Variants in ACTR3B observed in about 807,000 individuals in gnomAD.
The protein encoded by ACTR3B is actin related protein 3B, also known as actin-related protein 3B.
In ACTR3B, 8 loss-of-function variants were observed where a neutral mutation model predicts 59.0. The ratio of observed to expected loss-of-function variants is 0.14; its 90% CI spans 0.08 to 0.24. The LOEUF is 0.24. Among genes scored for constraint, ACTR3B ranks in the 10% least tolerant of loss-of-function variants. The pLI is 1.00. For missense variants in ACTR3B, 245 were observed against 552.3 expected (o/e 0.44, Z 5.58); for synonymous variants, 148 against 197.9 (o/e 0.75, Z 2.12).
chr7:152,804,409 C>T (rs866303958), intron 4 of ACTR3B, among the ~76,000 whole-genome samples: 2 of 152,064 alleles, frequency 1.3e-5, no homozygotes, highest in East Asian at 1.9e-4. Flanking sequence ...GTGACGAGAG[C>T]GGGGGAGTGT....
chr7:152,774,150 T>G (rs946194994), intron 1 of ACTR3B, among the ~76,000 whole-genome samples: 1 of 152,222 alleles, frequency 6.6e-6, no homozygotes, highest in African/African-American at 2.4e-5. Context: ...TGTTGTTGTT[T>G]TTTGAGATGG....
intron 4 of ACTR3B, among the ~76,000 whole-genome samples, chr7:152,807,318 T>C (rs1374417689): frequency 1.3e-5 from 2 of 152,100 alleles, no homozygotes; most frequent in Admixed American, 6.6e-5. Flanking sequence ...TTTTTACCCA[T>C]TTTTAAAATG....
intron 6 of ACTR3B, among the ~76,000 whole-genome samples, chr7:152,817,942 C>T (rs1795838245): frequency 6.6e-6 from 1 of 152,176 alleles, no homozygotes; most frequent in African/African-American, 2.4e-5. Context: ...AGCCAGCCTC[C>T]CGCCCCCATA....
intron 7 of ACTR3B, among the ~76,000 whole-genome samples, chr7:152,822,353 TG>T (rs1409809982): frequency 6.6e-6 from 1 of 152,212 alleles, no homozygotes; most frequent in African/African-American, 2.4e-5. Flanking sequence ...AGCAAGTATC[TG>T]GGGGTCACCT....
intron 1 of ACTR3B, among the ~76,000 whole-genome samples, chr7:152,762,655 G>C (rs2098093500): frequency 6.6e-6 from 1 of 152,128 alleles, no homozygotes; most frequent in African/African-American, 2.4e-5. Context: ...ATACAGTATG[G>C]ATTCATGTCT....
intron 9 of ACTR3B, among the ~76,000 whole-genome samples, chr7:152,839,336 A>G (rs1304578828): frequency 4.9e-4 from 68 of 137,762 alleles, no homozygotes; most frequent in African/African-American, 2.1e-3. Flanking sequence ...GCAGGTGTGG[A>G]TGCCACGTGA....
rs1204679494 is a variant in ACTR3B at position 152,827,429 on chromosome 7, C to T, written c.951+2307C>T. On this transcript the variant is annotated intron_variant, in intron 9 of 11. Transcript: ENST00000256001. ...TGTCACATAGCTGAACTCTATACCC[C>T]GTTGTGGGAAAGGAGAGACACAAAG... is the stretch of plus-strand genomic sequence containing the variant. Among the ~76,000 whole-genome samples the T allele has an allele frequency of 2.6e-5, 4 of 151,936 alleles. 1 individual carries two copies. The highest frequency in any genetic ancestry group is 2.0e-4 in the Admixed American group (3 of 15,260).
rs1357055833 is a variant in ACTR3B at position 152,787,547 on chromosome 7, A to G, written c.100+4305A>G. Among the ~76,000 whole-genome samples the G allele has an allele frequency of 1.1e-4, 16 of 152,046 alleles. No homozygotes were observed. The East Asian group carries it at 1.5e-3, about 15-fold the overall frequency. The stretch of plus-strand genomic sequence containing the variant: ...CATAAAGACTTTCTATATTTTTTCT[A>G]AGAAAATTTTAAGTTAATTTGTGAG... On this transcript the variant is annotated intron_variant, in intron 2 of 11. Transcript: ENST00000256001.
intron 9 of ACTR3B, among the ~76,000 whole-genome samples, chr7:152,843,756 G>A (rs540786943): frequency 3.9e-5 from 6 of 152,286 alleles, no homozygotes; most frequent in African/African-American, 1.4e-4. Context: ...TAGCAAAATG[G>A]GAATAGGAAC....
chr7:152,823,170 T>A (rs1243361317), intron 7 of ACTR3B, among the ~76,000 whole-genome samples, 172 bp from the exon 8 acceptor site: 3 of 152,174 alleles, frequency 2.0e-5, no homozygotes, highest in Non-Finnish European at 2.9e-5. Context: ...TAACCATGTC[T>A]AACATGAAAG....
chr7:152,837,829 T>C (rs973706980), intron 9 of ACTR3B, among the ~76,000 whole-genome samples: 3 of 152,056 alleles, frequency 2.0e-5, no homozygotes, highest in Admixed American at 2.0e-4. Flanking sequence ...TTATTTCTTA[T>C]GTTTTCAAGC....
chr7:152,807,837 G>A (rs1436165696), intron 4 of ACTR3B, among the ~76,000 whole-genome samples: 3 of 152,000 alleles, frequency 2.0e-5, no homozygotes, highest in Non-Finnish European at 2.9e-5. Context: ...TCTTGTTGCT[G>A]TGATTTCTAT....
At chr7:152,785,504 A>AG (rs1356825103) in intron 2 of ACTR3B, among the ~76,000 whole-genome samples, 1 of 108,634 alleles carries the variant, frequency 9.2e-6, no homozygotes, top group Admixed American at 9.4e-5. Flanking sequence ...AGAGAGAGAG[A>AG]GAGAGAGGAG....
intron 9 of ACTR3B, among the ~76,000 whole-genome samples, chr7:152,829,509 G>C (rs182647276): frequency 1.4e-4 from 21 of 152,160 alleles, no homozygotes; most frequent in African/African-American, 5.1e-4. Flanking sequence ...AGATGAGAAG[G>C]GTATTTACAC....
intron 1 of ACTR3B, among the ~76,000 whole-genome samples, chr7:152,775,142 G>C (rs2098133251): frequency 8.0e-6 from 1 of 124,710 alleles, no homozygotes; most frequent in Non-Finnish European, 1.6e-5. Flanking sequence ...AATGAGCTAT[G>C]ATTGCACCAC....
intron 4 of ACTR3B, among the ~76,000 whole-genome samples, chr7:152,806,177 A>C (rs1443769380): frequency 2.0e-5 from 3 of 152,218 alleles, no homozygotes; most frequent in African/African-American, 4.8e-5. Context: ...GTTATAAATA[A>C]TAGTTTGAGA....
intron 4 of ACTR3B, chr7:152,811,964 T>G (rs1176433966): frequency 1.6e-5 from 2 of 127,044 alleles, no homozygotes; most frequent in Non-Finnish European, 3.5e-5. Flanking sequence ...AACATTTTTT[T>G]CCATTAAAAT....
At chr7:152,821,121 A>G (rs1215756986) in intron 7 of ACTR3B, among the ~76,000 whole-genome samples, 2 of 152,042 alleles carry the variant, frequency 1.3e-5, no homozygotes, top group Non-Finnish European at 2.9e-5. Flanking sequence ...GATTCCTGGG[A>G]AGGGGGCTCT....
intron 9 of ACTR3B, among the ~76,000 whole-genome samples, chr7:152,831,293 G>A (rs1432517170): frequency 6.6e-6 from 1 of 152,252 alleles, no homozygotes; most frequent in Non-Finnish European, 1.5e-5. Context: ...GCAACATCGA[G>A]TAATGTCAGT....
Sources: gnomAD v4.1 joint callset for allele counts (sites outside exome capture counted in the v4.1 genomes callset) on GRCh38, gnomAD v4.1.1 for gene constraint, MANE v1.5 for transcripts, NCBI Gene and HGNC (gene_info 2026-07-23, HGNC 2026-07-21) for gene names.